Variants in GOLGA6C observed in about 807,000 individuals in gnomAD.
GOLGA6C encodes golgin subfamily A member 6C.
GOLGA6C carries 3 observed loss-of-function variants against 57.5 expected under a neutral mutation model. The ratio of observed to expected loss-of-function variants is 0.05; its 90% CI spans 0.02 to 0.13. The LOEUF is 0.13. Among genes scored for constraint, GOLGA6C ranks in the 10% least tolerant of loss-of-function variants. GOLGA6C has a pLI of 1.00. For synonymous variants in GOLGA6C, 32 were observed against 203.8 expected (o/e 0.16, Z 7.18); for missense variants, 88 against 525.6 (o/e 0.17, Z 8.14).
chr15:75,259,201 G>T (rs1369520654), intron 1 of GOLGA6C, among the ~76,000 whole-genome samples: 2 of 151,226 alleles, frequency 1.3e-5, no homozygotes, highest in Admixed American at 6.6e-5. Context: ...ATCGTGGATC[G>T]GCAACTCAGC....
Position 75,270,472 on chromosome 15 carries a change from C to G in GOLGA6C, c.*273C>G, listed in dbSNP as rs2070784556. The stretch of plus-strand genomic sequence containing the variant: ...TTTCCCTGATGTTCTTTCTGGCATC[C>G]TTTAGCATTTTTATTTTTAATTTGA... On this transcript the variant is annotated 3_prime_UTR_variant, in exon 18 of 18. Coordinates refer to ENST00000300576, the MANE Select transcript of GOLGA6C (RefSeq NM_001164404.2). Among the ~76,000 whole-genome samples, 1 of 114,012 alleles carries G rather than the reference C, an allele frequency of 8.8e-6. No homozygotes were observed. The highest frequency in any genetic ancestry group is 1.7e-5 in the Non-Finnish European group (1 of 58,164). 74.8% of individuals were successfully genotyped at this position (114,012 alleles called of 152,430 possible).
At position 75,270,266 on chromosome 15, in the gene GOLGA6C, A is replaced by T; in HGVS notation, c.*67A>T. On this transcript the variant is annotated 3_prime_UTR_variant, in exon 18 of 18. Transcript: ENST00000300576. ...CTACCAGGCAGCCGAGAACAGGGAG[A>T]TAAACATCATCATCTTCTAAGAGCT... The T allele has an allele frequency of 2.6e-6, 4 of 1,557,362 alleles. 1 individual carries two copies. In the East Asian group the frequency reaches 9.5e-5, roughly 37 times the overall value.
Position 75,273,407 on chromosome 15 carries a change from A to G in GOLGA6C, c.*3208A>G, listed in dbSNP as rs1210060244. Reference sequence around the variant, plus strand: ...GCCTAAAGTGGCATTGTTGACTGCTACTGTGATGCTACTGTAATGTAATAA... The same window carrying G: ...GCCTAAAGTGGCATTGTTGACTGCTGCTGTGATGCTACTGTAATGTAATAA... On this transcript the variant is annotated 3_prime_UTR_variant, in exon 18 of 18. Transcript: ENST00000300576. 6.6e-6 allele frequency among the ~76,000 whole-genome samples: 1 copy of G among 152,230 alleles called. No individual in the cohort carries two copies. The highest frequency in any genetic ancestry group is 1.9e-4 in the East Asian group (1 of 5,196).
chr15:75,272,755 C>T lies in GOLGA6C; in HGVS notation c.*2556C>T, dbSNP rs2070794425. 6.6e-6 allele frequency among the ~76,000 whole-genome samples: 1 copy of T among 150,968 alleles called. No homozygotes were observed. The highest frequency in any genetic ancestry group is 6.6e-5 in the Admixed American group (1 of 15,242). On this transcript the variant is annotated 3_prime_UTR_variant, in exon 18 of 18. Transcript: ENST00000300576. ...ATTAAATAGCATGTAAATCATATAA[C>T]AATAACTTAAGTCTTTCTTCAAAGT...
Position 75,270,279 on chromosome 15 carries a change from T to A in GOLGA6C, c.*80T>A. 1 of 1,544,494 alleles carries A rather than the reference T, an allele frequency of 6.5e-7. No individual in the cohort carries two copies. The highest frequency in any genetic ancestry group is 8.7e-7 in the Non-Finnish European group (1 of 1,147,250). ...GAGAACAGGGAGATAAACATCATCA[T>A]CTTCTAAGAGCTGGTCAAGAAATTT... On this transcript the variant is annotated 3_prime_UTR_variant, in exon 18 of 18. Coordinates refer to ENST00000300576, the MANE Select transcript of GOLGA6C (RefSeq NM_001164404.2).
rs777535049 is a variant in GOLGA6C, at chr15:75,270,166, C to A, written c.2049C>A (p.Ile683=). ...SPHDNPPVQQ[I]VQLSPVMQDT ...ATGACAACCCCCCGGTACAGCAGAT[C>A]GTGCAGCTGTCTCCTGTCATGCAGG... is the stretch of plus-strand genomic sequence containing the variant. Residue 683 remains isoleucine (I), a synonymous_variant, in exon 18 of 18, where the codon ATC becomes ATA. Coordinates refer to ENST00000300576, the MANE Select transcript of GOLGA6C (RefSeq NM_001164404.2). 4.6e-5 allele frequency: 74 copies of A among 1,592,102 alleles called. 8 individuals are homozygous for A. Among genetic ancestry groups the A allele is most frequent in the Non-Finnish European group, 5.9e-5 (69 of 1,174,480 alleles).
rs1188102158 is a variant in GOLGA6C at position 75,272,747 on chromosome 15, T to A, written c.*2548T>A. On this transcript the variant is annotated 3_prime_UTR_variant, in exon 18 of 18. Coordinates refer to ENST00000300576, the MANE Select transcript of GOLGA6C (RefSeq NM_001164404.2). ...TAAGAAAAATTAAATAGCATGTAAATCATATAACAATAACTTAAGTCTTTC... is the reference window on the plus strand; with the variant it reads ...TAAGAAAAATTAAATAGCATGTAAAACATATAACAATAACTTAAGTCTTTC... 6.6e-6 allele frequency among the ~76,000 whole-genome samples: 1 copy of A among 151,018 alleles called. No homozygotes were observed. Among genetic ancestry groups the A allele is most frequent in the African/African-American group, 2.5e-5 (1 of 40,288 alleles).
chr15:75,263,290 C>CT, intron 3 of GOLGA6C, 58 bp from the exon 4 acceptor site: 1 of 624,232 alleles, frequency 1.6e-6, no homozygotes, highest in Non-Finnish European at 2.6e-6. Context: ...GCTTCCAGGT[C>CT]TGGGGAATAG....
At chr15:75,258,945 C>T (rs1221347341) in intron 1 of GOLGA6C, among the ~76,000 whole-genome samples, 1 of 149,862 alleles carries the variant, frequency 6.7e-6, no homozygotes, top group Non-Finnish European at 1.5e-5. Context: ...ATTCAGCCCT[C>T]ACGTCCTGCC....
rs1440356467 is a variant in GOLGA6C at position 75,270,666 on chromosome 15, A to G, written c.*467A>G. Among the ~76,000 whole-genome samples the G allele has an allele frequency of 5.3e-5, 1 of 18,950 alleles. No homozygotes were observed. Among genetic ancestry groups the G allele is most frequent in the Non-Finnish European group, 1.0e-4 (1 of 10,016 alleles). 12.4% of individuals were successfully genotyped at this position (18,950 alleles called of 152,430 possible). On this transcript the variant is annotated 3_prime_UTR_variant, in exon 18 of 18. Transcript: ENST00000300576. The stretch of plus-strand genomic sequence containing the variant: ...ATATTCATTCCAGAATTCAGATAAA[A>G]TGTGCTTATGTTCTGCTATTACGTT...
rs1476194344 is a variant in GOLGA6C at position 75,273,327 on chromosome 15, C to T, written c.*3128C>T. Reference sequence around the variant, plus strand: ...CCAAGTTTTCTTAGAATGACTTTTACCAGTTTATGAATTCTTGTAAACAGA... The same window carrying T: ...CCAAGTTTTCTTAGAATGACTTTTATCAGTTTATGAATTCTTGTAAACAGA... On this transcript the variant is annotated 3_prime_UTR_variant, in exon 18 of 18. Coordinates refer to ENST00000300576, the MANE Select transcript of GOLGA6C (RefSeq NM_001164404.2). Among the ~76,000 whole-genome samples, 7 of 151,840 alleles carry T rather than the reference C, an allele frequency of 4.6e-5. No homozygotes were observed. Among genetic ancestry groups the T allele is most frequent in the Admixed American group, 4.0e-4 (6 of 15,188 alleles).
At position 75,272,519 on chromosome 15, in the gene GOLGA6C, C is replaced by G. The variant is rs2070792528; in HGVS notation, c.*2320C>G. On this transcript the variant is annotated 3_prime_UTR_variant, in exon 18 of 18. Transcript: ENST00000300576. Reference sequence around the variant, plus strand: ...TATTTTTATAGTTCAAATCACTTCACTTTTACCCTGATAAATATAAATGAC... The same window carrying G: ...TATTTTTATAGTTCAAATCACTTCAGTTTTACCCTGATAAATATAAATGAC... 6.6e-6 allele frequency among the ~76,000 whole-genome samples: 1 copy of G among 152,228 alleles called. No individual in the cohort carries two copies. The highest frequency in any genetic ancestry group is 1.9e-4 in the East Asian group (1 of 5,206).
In GOLGA6C at chr15:75,273,444, G is replaced by T. The variant is rs1412489161; in HGVS notation, c.*3245G>T. Among the ~76,000 whole-genome samples, 1 of 152,240 alleles carries T rather than the reference G, an allele frequency of 6.6e-6. No individual in the cohort carries two copies. The highest frequency in any genetic ancestry group is 2.4e-5 in the African/African-American group (1 of 41,474). Reference sequence around the variant, plus strand: ...CTGTAATGTAATAAATTATTAAATTGTTGCAAAGTGCTGTTTTTGCCTTAA... The same window carrying T: ...CTGTAATGTAATAAATTATTAAATTTTTGCAAAGTGCTGTTTTTGCCTTAA... On this transcript the variant is annotated 3_prime_UTR_variant, in exon 18 of 18. Coordinates refer to ENST00000300576, the MANE Select transcript of GOLGA6C (RefSeq NM_001164404.2).
chr15:75,270,370 C>T lies in GOLGA6C; in HGVS notation c.*171C>T, dbSNP rs1236976584. Among the ~76,000 whole-genome samples, 1 of 143,364 alleles carries T rather than the reference C, an allele frequency of 7.0e-6. No individual in the cohort carries two copies. The highest frequency in any genetic ancestry group is 2.7e-5 in the African/African-American group (1 of 36,982). The allele number at this position is 143,364 out of a possible 152,430, so 94.1% of individuals were successfully genotyped here. Reference sequence around the variant, plus strand: ...ACAATTCATTTACTCCATTTGAATGCTAGAGCCACTCACATTTATTTGTGT... The same window carrying T: ...ACAATTCATTTACTCCATTTGAATGTTAGAGCCACTCACATTTATTTGTGT... On this transcript the variant is annotated 3_prime_UTR_variant, in exon 18 of 18. Transcript: ENST00000300576.
In GOLGA6C at chr15:75,265,126, C is replaced by T. The variant is rs200390814; in HGVS notation, c.569C>T (p.Ser190Leu). Residue 190 changes from serine to leucine, a missense_variant, in exon 8 of 18, where the codon TCG (serine) becomes TTG (leucine). Physicochemically the swap from Ser to Leu is moderately radical, Grantham distance 145. Coordinates refer to ENST00000300576, the MANE Select transcript of GOLGA6C (RefSeq NM_001164404.2). The part of the protein sequence containing the change: ...STQQQEEDRS[S>L]SCREAVLQRR... ...TTCTCACTCTTCACCATCCAGTCCT[C>T]GAGCTGCAGAGAAGCGGTCCTCCAG... is the stretch of plus-strand genomic sequence containing the variant. The T allele has an allele frequency of 9.8e-4, 1,573 of 1,604,656 alleles. No homozygotes were observed. The highest frequency in any genetic ancestry group is 8.8e-5 in the Non-Finnish European group (104 of 1,178,434).
In GOLGA6C at chr15:75,266,089, C is replaced by G. The variant is rs201074750; in HGVS notation, c.848-16C>G. 2,767 of 1,398,890 alleles carry G rather than the reference C, an allele frequency of 2.0e-3. No individual in the cohort carries two copies. The African/African-American group carries it at 0.036, about 18-fold the overall frequency. 86.7% of individuals were successfully genotyped at this position (1,398,890 alleles called of 1,614,324 possible). A position where few individuals can be genotyped will look rare whatever the true frequency, so the allele number is the denominator to read the frequency against. On this transcript the variant is annotated splice_polypyrimidine_tract_variant and intron_variant, in intron 10 of 17. Coordinates refer to ENST00000300576, the MANE Select transcript of GOLGA6C (RefSeq NM_001164404.2). ...TGGGGAATCCAGAGGCCCTTATTGTCTGCTTCATTTCTCAGCTGAGCCCCC... is the reference window on the plus strand; with the variant it reads ...TGGGGAATCCAGAGGCCCTTATTGTGTGCTTCATTTCTCAGCTGAGCCCCC...
chr15:75,265,481 T>C, intron 9 of GOLGA6C, 57 bp downstream of exon 9: 1 of 1,262,042 alleles, frequency 7.9e-7, no homozygotes, highest in Non-Finnish European at 1.1e-6. Flanking sequence ...TTTCTGGGCA[T>C]CTGTAAAATG....
rs771461606 is a variant in GOLGA6C at position 75,265,152 on chromosome 15, C to G, written c.595C>G (p.Arg199Gly). The stretch of plus-strand genomic sequence containing the variant: ...GAGCTGCAGAGAAGCGGTCCTCCAG[C>G]GGCGGTTACAGCAGACCATAAAGGA... The part of the protein sequence containing the change: ...SSSCREAVLQ[R>G]RLQQTIKERA... Residue 199 changes from arginine (R) to glycine (G), a missense_variant, in exon 8 of 18, where the codon CGG becomes GGG. Transcript: ENST00000300576. The G allele has an allele frequency of 3.7e-6, 6 of 1,600,406 alleles. No homozygotes were observed. The highest frequency in any genetic ancestry group is 5.1e-6 in the Non-Finnish European group (6 of 1,176,836).
rs576742303 is a variant in GOLGA6C at position 75,260,667 on chromosome 15, T to C, written c.204+175T>C. The stretch of plus-strand genomic sequence containing the variant: ...AGCTCTTTGAGCCTCTCTTTTCACA[T>C]CTGTGAAATAGGGGTAGTATTGTTT... On this transcript the variant is annotated intron_variant, in intron 2 of 17. Coordinates refer to ENST00000300576, the MANE Select transcript of GOLGA6C (RefSeq NM_001164404.2). 3.3e-5 allele frequency among the ~76,000 whole-genome samples: 5 copies of C among 150,110 alleles called. No individual in the cohort carries two copies. The East Asian group carries it at 9.7e-4, about 29-fold the overall frequency.
Sources: allele counts gnomAD v4.1 joint callset (sites outside exome capture counted in the v4.1 genomes callset), GRCh38; gene constraint gnomAD v4.1.1; transcripts MANE v1.5; gene names NCBI Gene and HGNC (gene_info 2026-07-23, HGNC 2026-07-21).